The following MFSD1 variants were observed in gnomAD, a reference collection of about 807,000 sequenced individuals.
MFSD1 encodes major facilitator superfamily domain containing 1, also known as lysosomal dipeptide transporter MFSD1.
MFSD1 carries 59 observed loss-of-function variants against 67.1 expected under a neutral mutation model. The observed-to-expected ratio is 0.88, with a 90% CI of 0.71 to 1.09. MFSD1 has a LOEUF of 1.09. Ranked by LOEUF, MFSD1 falls within the 50% of genes least tolerant of loss-of-function variation. The pLI is 0.00. For missense variants in MFSD1, 552 were observed against 566.1 expected, an observed-to-expected ratio of 0.97 and a Z score of 0.25; for synonymous variants, 213 against 200.3, an observed-to-expected ratio of 1.06 and a Z score of -0.54.
intron 9 of MFSD1, among the ~76,000 whole-genome samples, chr3:158,821,193 G>T (rs1048222150): frequency 6.6e-6 from 1 of 151,910 alleles, no homozygotes; most frequent in East Asian, 1.9e-4. Context: ...GTGTGTTTGT[G>T]TAAGGGTATG....
At chr3:158,805,323 CTG>C (rs1559914465) in intron 2 of MFSD1, 37 bp from the exon 3 acceptor site, 1 of 1,482,714 alleles carries the variant, frequency 6.7e-7, no homozygotes, top group East Asian at 2.3e-5. Context: ...CTAAACTTAA[CTG>C]TTTGGAAAAA....
intron 6 of MFSD1, among the ~76,000 whole-genome samples, chr3:158,813,676 T>C (rs1730155180): frequency 6.6e-6 from 1 of 152,218 alleles, no homozygotes; most frequent in African/African-American, 2.4e-5. Flanking sequence ...CTAGATTTTA[T>C]AACTCATGTT....
chr3:158,813,941 GT>G (rs531096592), intron 6 of MFSD1, 23 bp from the exon 7 acceptor site: 49 of 1,474,312 alleles, frequency 3.3e-5, no homozygotes, highest in Middle Eastern at 3.5e-4. Context: ...AAATGCTGTT[GT>G]TTTTTTTTCC....
intron 5 of MFSD1, among the ~76,000 whole-genome samples, chr3:158,808,397 A>C (rs1729831167): frequency 6.6e-6 from 1 of 152,214 alleles, no homozygotes; most frequent in East Asian, 1.9e-4. Context: ...GTAAATATTG[A>C]AACTTACTGA....
intron 5 of MFSD1, among the ~76,000 whole-genome samples, chr3:158,808,590 C>T (rs909106434): frequency 2.4e-4 from 37 of 152,156 alleles, no homozygotes; most frequent in East Asian, 3.9e-4. Flanking sequence ...GTAACCAAGA[C>T]GACTCCTTTT....
At chr3:158,821,512 C>T in intron 9 of MFSD1, 85 bp from the exon 10 acceptor site, 2 of 879,362 alleles carry the variant, frequency 2.3e-6, no homozygotes, top group Non-Finnish European at 3.6e-6. Flanking sequence ...GCTGATTAAA[C>T]TTGAGTTATT....
chr3:158,816,231 C>T (rs7619273), intron 7 of MFSD1, among the ~76,000 whole-genome samples: 28,450 of 151,580 alleles, frequency 0.19, 3,101 homozygotes, highest in Middle Eastern at 0.31. Context: ...ATCGCCACAC[C>T]GACTTCCACG....
rs759253379 is a variant in MFSD1, at chr3:158,821,643, G to A, written c.910G>A (p.Ala304Thr). Reference sequence around the variant, plus strand: ...TGGATTTTCTTCCCAGGCAGCAAGTGCAATTAACAGGTATTTTAAAATTAA... The same window carrying A: ...TGGATTTTCTTCCCAGGCAGCAAGTACAATTAACAGGTATTTTAAAATTAA... The part of the protein sequence containing the change: ...KFGFSSQAAS[A>T]INSVVYVISA... Residue 304 changes from alanine to threonine, a missense_variant, in exon 10 of 16, where the codon GCA becomes ACA. Transcript: ENST00000415822. 3.1e-6 allele frequency: 5 copies of A among 1,608,100 alleles called. No homozygotes were observed. Among genetic ancestry groups the A allele is most frequent in the Middle Eastern group, 1.8e-4 (1 of 5,708 alleles).
intron 1 of MFSD1, 154 bp from the exon 2 acceptor site, chr3:158,804,165 A>G (rs980094091): frequency 2.1e-5 from 12 of 560,402 alleles, no homozygotes; most frequent in Admixed American, 1.1e-4. Flanking sequence ...GATATAACTT[A>G]GAAAATACTG....
intron 6 of MFSD1, 29 bp downstream of exon 6, chr3:158,809,316 C>T (rs1729885370): frequency 7.5e-7 from 1 of 1,340,986 alleles, no homozygotes; most frequent in East Asian, 2.3e-5. Context: ...CTGATGAAGC[C>T]AAATGGAAGC....
At position 158,824,171 on chromosome 3, in the gene MFSD1, C is replaced by T; in HGVS notation, c.1223C>T (p.Ala408Val). 6.2e-7 allele frequency: 1 copy of T among 1,611,472 alleles called. No individual in the cohort carries two copies. The highest frequency in any genetic ancestry group is 8.5e-7 in the Non-Finnish European group (1 of 1,179,314). ...GGGTTGGCCATCATTTCCATCATTGCTGGTATGATACTGGATTCTCGGGGG... is the reference window on the plus strand; with the variant it reads ...GGGTTGGCCATCATTTCCATCATTGTTGGTATGATACTGGATTCTCGGGGG... ...NLGLAIISII[A>V]GMILDSRGYL... is the part of the protein sequence containing the mutation. The change falls in exon 13 of 16, where the codon GCT becomes GTT. Residue 408 changes from alanine to valine, a missense_variant. By Grantham distance (64) the Ala-to-Val change is moderately conservative (BLOSUM62 0). Coordinates refer to ENST00000415822, the MANE Select transcript of MFSD1 (RefSeq NM_022736.4).
chr3:158,802,723 CA>C (rs1249561485), intron 1 of MFSD1: 1 of 376,300 alleles, frequency 2.7e-6, no homozygotes, highest in African/African-American at 2.1e-5. Context: ...TTAGGTGAGA[CA>C]GGGGCTTGCT....
intron 7 of MFSD1, among the ~76,000 whole-genome samples, chr3:158,817,385 A>G (rs1203484769): frequency 6.6e-6 from 1 of 152,208 alleles, no homozygotes; most frequent in Non-Finnish European, 1.5e-5. Flanking sequence ...TAAGCTGATA[A>G]GCAACTTCAG....
intron 13 of MFSD1, 106 bp from the exon 14 acceptor site, chr3:158,825,905 CAATT>C: frequency 1.3e-6 from 1 of 765,810 alleles, no homozygotes; most frequent in Non-Finnish European, 2.2e-6. Flanking sequence ...TTTAAAATAG[CAATT>C]AATAAAGGTT....
At chr3:158,815,308 G>T (rs57572700) in intron 7 of MFSD1, among the ~76,000 whole-genome samples, 1 of 150,080 alleles carries the variant, frequency 6.7e-6, no homozygotes, top group African/African-American at 2.4e-5. Context: ...TGTCATCTTG[G>T]ATAAGAAAGT....
intron 7 of MFSD1, among the ~76,000 whole-genome samples, chr3:158,816,107 T>G (rs917928875): frequency 3.8e-4 from 58 of 152,238 alleles, no homozygotes; most frequent in African/African-American, 1.3e-3. Flanking sequence ...AGTGCCGCAA[T>G]AAACATACAT....
chr3:158,817,074 T>G (rs910404611), intron 7 of MFSD1, among the ~76,000 whole-genome samples: 1 of 152,134 alleles, frequency 6.6e-6, no homozygotes, highest in African/African-American at 2.4e-5. Context: ...TAGTTTGAAG[T>G]CAGGTAGCAT....
rs969691112 is a variant in MFSD1, at chr3:158,813,938, GTTGTTTTTTTTTCCCT to G, written c.550-25_550-10del. On this transcript the variant is annotated splice_polypyrimidine_tract_variant and intron_variant, in intron 6 of 15. Coordinates refer to ENST00000415822, the MANE Select transcript of MFSD1 (RefSeq NM_022736.4). Reference sequence around the variant, plus strand: ...AGAGATATATATGATTTAAAATGCTGTTGTTTTTTTTTCCCTTCTCATTTAGGGAAGTACAGTAAAC... The same window carrying G: ...AGAGATATATATGATTTAAAATGCTGTCTCATTTAGGGAAGTACAGTAAAC... The G allele has an allele frequency of 1.3e-6, 2 of 1,505,120 alleles. No homozygotes were observed. Among genetic ancestry groups the G allele is most frequent in the Non-Finnish European group, 1.8e-6 (2 of 1,085,014 alleles). 93.2% of individuals were successfully genotyped at this position (1,505,120 alleles called of 1,614,324 possible). A position where few individuals can be genotyped will look rare whatever the true frequency, so the allele number is the denominator to read the frequency against.
chr3:158,805,461 G>A lies in MFSD1; in HGVS notation c.316G>A (p.Val106Ile). ...CTTTGGTGGCTTTTTGATAGACCGA[G>A]TATTTGGAATACGGTAAGCTTGAAA... ...CFFGGFLIDR[V>I]FGIRWGTIIF... is the part of the protein sequence containing the mutation. Residue 106 changes from valine (V) to isoleucine (I), a missense_variant, in exon 3 of 16, where the codon GTA (valine) becomes ATA (isoleucine). Coordinates refer to ENST00000415822, the MANE Select transcript of MFSD1 (RefSeq NM_022736.4). The A allele has an allele frequency of 6.2e-7, 1 of 1,611,678 alleles. No individual in the cohort carries two copies. Among genetic ancestry groups the A allele is most frequent in the Non-Finnish European group, 8.5e-7 (1 of 1,177,814 alleles).
Sources: allele counts gnomAD v4.1 joint callset (sites outside exome capture counted in the v4.1 genomes callset), GRCh38; gene constraint gnomAD v4.1.1; transcripts MANE v1.5; gene names NCBI Gene and HGNC (gene_info 2026-07-23, HGNC 2026-07-21).